The following TLE4 variants were observed in gnomAD, a reference collection of about 807,000 sequenced individuals.
TLE4 encodes the protein TLE family member 4, transcriptional corepressor.
Under a neutral mutation model 92.8 loss-of-function variants are expected in TLE4, and 8 were observed. The observed-to-expected ratio is 0.09, with a 90% CI of 0.05 to 0.16. The LOEUF (loss-of-function observed/expected upper bound fraction) is 0.16, where lower values mean the gene tolerates loss of function less well. Among genes scored for constraint, TLE4 ranks in the 10% least tolerant of loss-of-function variants. The pLI, the probability that TLE4 is intolerant of heterozygous loss-of-function variation, is 1.00. For missense variants in TLE4, 675 were observed against 997.6 expected, an observed-to-expected ratio of 0.68 and a Z score of 4.36; for synonymous variants, 371 against 374.1, an observed-to-expected ratio of 0.99 and a Z score of 0.10.
chr9:79,723,579 A>C (rs1202496532), intron 19 of TLE4, among the ~76,000 whole-genome samples: 1 of 152,212 alleles, frequency 6.6e-6, no homozygotes, highest in East Asian at 1.9e-4. Context: ...ACGCGTGCAC[A>C]CACACGCTCT....
At chr9:79,717,017 C>T (rs1345787341) in intron 14 of TLE4, among the ~76,000 whole-genome samples, 1 of 152,188 alleles carries the variant, frequency 6.6e-6, no homozygotes, top group African/African-American at 2.4e-5. Flanking sequence ...AATCTACTTC[C>T]ATAACTACTC....
intron 6 of TLE4, among the ~76,000 whole-genome samples, chr9:79,629,684 T>A (rs61251477): frequency 0.038 from 5,793 of 152,272 alleles, 219 homozygotes; most frequent in African/African-American, 0.093. Context: ...GAAATCACAT[T>A]ATCTGACTAT....
intron 6 of TLE4, among the ~76,000 whole-genome samples, chr9:79,637,836 C>CTGTGTG (rs147182815): frequency 1.0e-3 from 150 of 150,502 alleles, no homozygotes; most frequent in Middle Eastern, 3.4e-3. Context: ...GCAGAATTGC[C>CTGTGTG]TGTGTGTGTG....
In TLE4 at chr9:79,573,894, GTAT is replaced by G. The variant is rs949221112; in HGVS notation, c.143+113_143+115del. 4.4e-5 allele frequency: 33 copies of G among 745,488 alleles called. No homozygotes were observed. The South Asian group carries it at 5.3e-4, about 12-fold the overall frequency. 46.2% of individuals were successfully genotyped at this position (745,488 alleles called of 1,614,324 possible). ...CCTTTTTTGTGGGGGCGTCACAAAG[GTAT>G]TATTTTTTTTTCTCGGTGGGCAGAA... On this transcript the variant is annotated intron_variant, in intron 2 of 19. Transcript: ENST00000376552.
chr9:79,722,339 T>A, intron 17 of TLE4, 112 bp from the exon 18 acceptor site: 1 of 1,304,106 alleles, frequency 7.7e-7, no homozygotes, highest in Non-Finnish European at 1.0e-6. Context: ...CAATTCAAAT[T>A]ATCTTGATTT....
intron 17 of TLE4, 135 bp from the exon 18 acceptor site, chr9:79,722,316 G>C (rs2075781045): frequency 8.2e-6 from 9 of 1,091,548 alleles, no homozygotes; most frequent in Non-Finnish European, 1.1e-5. Context: ...TTTGACTTTG[G>C]TTCTCCCCTG....
chr9:79,595,356 A>G (rs1418681368), intron 4 of TLE4, among the ~76,000 whole-genome samples: 2 of 152,218 alleles, frequency 1.3e-5, no homozygotes, highest in Non-Finnish European at 2.9e-5. Flanking sequence ...GGTGAATGAG[A>G]TAAGGTACTT....
intron 4 of TLE4, among the ~76,000 whole-genome samples, chr9:79,612,102 T>C (rs2048505846): frequency 6.6e-6 from 1 of 152,106 alleles, no homozygotes; most frequent in East Asian, 1.9e-4. Context: ...CATTTTGTTC[T>C]CCAAGAATTT....
At position 79,635,712 on chromosome 9, in the gene TLE4, G is replaced by C. The variant is rs76556928; in HGVS notation, c.390+8264G>C. 2.0e-5 allele frequency among the ~76,000 whole-genome samples: 3 copies of C among 151,738 alleles called. No homozygotes were observed. The East Asian group carries it at 5.8e-4, about 29-fold the overall frequency. On this transcript the variant is annotated intron_variant, in intron 6 of 19. Transcript: ENST00000376552. ...ACCTTATATGTATGAGTGTATTTCT[G>C]ACTGCTCCAATCAACTGTTGCCGTC...
chr9:79,627,531 A>G (rs1360038066), intron 6 of TLE4, 83 bp downstream of exon 6: 6 of 1,370,296 alleles, frequency 4.4e-6, no homozygotes, highest in African/African-American at 4.3e-5. Context: ...TTGTTCCGCC[A>G]AAGGGGCAAA....
At chr9:79,594,070 C>G (rs1346917117) in intron 4 of TLE4, among the ~76,000 whole-genome samples, 2 of 152,204 alleles carry the variant, frequency 1.3e-5, no homozygotes, top group African/African-American at 4.8e-5. Flanking sequence ...GGCCCCTGAT[C>G]TGGGCCTTAG....
chr9:79,575,727 T>C (rs2037537912), intron 3 of TLE4: 1 of 157,978 alleles, frequency 6.3e-6, no homozygotes, highest in South Asian at 2.0e-4. Flanking sequence ...AAACTCTAAG[T>C]AGCATCACCT....
intron 8 of TLE4, among the ~76,000 whole-genome samples, chr9:79,670,405 T>A (rs1314976411): frequency 1.3e-5 from 2 of 152,136 alleles, no homozygotes; most frequent in East Asian, 1.9e-4. Flanking sequence ...AAAAGATTGG[T>A]ACACTGCACC....
intron 4 of TLE4, among the ~76,000 whole-genome samples, chr9:79,588,163 T>TGTGTGTGTG (rs1554691196): frequency 6.6e-6 from 1 of 151,568 alleles, no homozygotes; most frequent in African/African-American, 2.4e-5. Context: ...TGTGTGTGTG[T>TGTGTGTGTG]TTTGAGATAG....
At chr9:79,639,760 G>C (rs948530214) in intron 6 of TLE4, among the ~76,000 whole-genome samples, 1 of 152,066 alleles carries the variant, frequency 6.6e-6, no homozygotes, top group African/African-American at 2.4e-5. Flanking sequence ...AGGCCATATT[G>C]CATAGCTTAT....
At chr9:79,709,335 C>G (rs1289970936) in intron 13 of TLE4, among the ~76,000 whole-genome samples, 1 of 151,872 alleles carries the variant, frequency 6.6e-6, no homozygotes, top group Non-Finnish European at 1.5e-5. Context: ...AACTTCAAAC[C>G]TACAGAATTA....
intron 8 of TLE4, among the ~76,000 whole-genome samples, chr9:79,674,794 G>T (rs1318194604): frequency 1.3e-5 from 2 of 152,068 alleles, no homozygotes; most frequent in Admixed American, 6.6e-5. Context: ...ACACAGTCCC[G>T]TGCGTGTTTT....
At chr9:79,714,151 G>A (rs1225160672) in intron 14 of TLE4, among the ~76,000 whole-genome samples, 3 of 152,028 alleles carry the variant, frequency 2.0e-5, no homozygotes, top group Non-Finnish European at 4.4e-5. Flanking sequence ...GAGCTACCGC[G>A]CCCAACAGGA....
chr9:79,681,834 GTGT>G (rs2064719911), intron 8 of TLE4, among the ~76,000 whole-genome samples: 1 of 67,036 alleles, frequency 1.5e-5, no homozygotes, highest in Admixed American at 1.4e-4. Context: ...GTGTGTGCAT[GTGT>G]GTGTGTGTGT....
Sources: gnomAD v4.1 joint callset for allele counts (sites outside exome capture counted in the v4.1 genomes callset) on GRCh38, gnomAD v4.1.1 for gene constraint, MANE v1.5 for transcripts, NCBI Gene and HGNC (gene_info 2026-07-23, HGNC 2026-07-21) for gene names.